The following EXD1 variants were observed in gnomAD, a reference collection of about 807,000 sequenced individuals.
The protein encoded by EXD1 is piRNA biogenesis protein EXD1.
In EXD1, 63 loss-of-function variants were observed where a neutral mutation model predicts 49.1. That is an observed-to-expected ratio of 1.28 (90% CI 1.05 to 1.58). The LOEUF (loss-of-function observed/expected upper bound fraction) is 1.58, where lower values mean the gene tolerates loss of function less well. Ranked by LOEUF, EXD1 falls within the 40% of genes most tolerant of loss-of-function variation. The probability of loss-of-function intolerance (pLI) is 0.00; values close to 1 mark genes in which losing one functional copy is unlikely to be tolerated. For synonymous variants in EXD1, 234 were observed against 239.2 expected (o/e 0.98, Z 0.20); for missense variants, 748 against 666.0 (o/e 1.12, Z -1.36).
At chr15:41,223,617 T>C (rs1343578590) in intron 2 of EXD1, among the ~76,000 whole-genome samples, 1 of 151,840 alleles carries the variant, frequency 6.6e-6, no homozygotes, top group Non-Finnish European at 1.5e-5. Flanking sequence ...ATCCCAGCAC[T>C]TTGGGAGGCC....
In EXD1 at chr15:41,184,268, G is replaced by T; in HGVS notation, c.1382C>A (p.Thr461Asn). The change falls in exon 12 of 12, where the codon ACC becomes AAC. Residue 461 changes from threonine to asparagine, a missense_variant. Transcript: ENST00000458580. ...GAGTTTGTTACTGGAATCCTCACTG[G>T]TTTCCCCTTCCTCTGTGGGAGGTAG... ...QHLPPTEEGE[T>N]SEDSSNKLIC... is the part of the protein sequence containing the mutation. 6.2e-7 allele frequency: 1 copy of T among 1,614,178 alleles called. No individual in the cohort carries two copies. The highest frequency in any genetic ancestry group is 8.5e-7 in the Non-Finnish European group (1 of 1,180,024).
At chr15:41,193,062 G>A (rs1292560631) in intron 9 of EXD1, among the ~76,000 whole-genome samples, 1 of 152,044 alleles carries the variant, frequency 6.6e-6, no homozygotes, top group Non-Finnish European at 1.5e-5. Flanking sequence ...GGGATTACAA[G>A]TGTGAGCCAC....
rs1595416109 is a variant in EXD1, at chr15:41,184,325, G to T, written c.1325C>A (p.Ser442Tyr). The change falls in exon 12 of 12, where the codon TCT becomes TAT. Residue 442 changes from serine (S) to tyrosine (Y), a missense_variant. Transcript: ENST00000458580. ...AGGATTTGTAGCTTGTTTATTCAAAGATTCTTCTTTCAGTAAATTCACATC... is the reference window on the plus strand; with the variant it reads ...AGGATTTGTAGCTTGTTTATTCAAATATTCTTCTTTCAGTAAATTCACATC... ...HGDVNLLKEE[S>Y]LNKQATNPQH... 6.2e-7 allele frequency: 1 copy of T among 1,614,172 alleles called. No homozygotes were observed.
At position 41,195,860 on chromosome 15, in the gene EXD1, G is replaced by C; in HGVS notation, c.640-5C>G. The C allele has an allele frequency of 6.2e-7, 1 of 1,613,098 alleles. No individual in the cohort carries two copies. The highest frequency in any genetic ancestry group is 8.5e-7 in the Non-Finnish European group (1 of 1,179,758). On this transcript the variant is annotated splice_region_variant and splice_polypyrimidine_tract_variant and intron_variant, in intron 8 of 11. Transcript: ENST00000458580. ...CCAACGACAATCATGGATAACCTAA[G>C]GAATCAGAAGGAAACAGTCATTAGA...
At position 41,192,506 on chromosome 15, in the gene EXD1, A is replaced by C. The variant is rs139989744; in HGVS notation, c.721-921T>G. On this transcript the variant is annotated intron_variant, in intron 9 of 11. Transcript: ENST00000458580. ...CAGACAGGGTTTCACCATGTTGGCC[A>C]GGATAGTCTCGATCTCTTGACCTCG... Among the ~76,000 whole-genome samples, 7 of 149,158 alleles carry C rather than the reference A, an allele frequency of 4.7e-5. No homozygotes were observed. In the East Asian group the frequency reaches 1.2e-3, roughly 26 times the overall value.
At position 41,226,619 on chromosome 15, in the gene EXD1, C is replaced by A; in HGVS notation, c.-44G>T. The A allele has an allele frequency of 6.7e-7, 1 of 1,496,642 alleles. No individual in the cohort carries two copies. The highest frequency in any genetic ancestry group is 2.5e-5 in the East Asian group (1 of 40,358). 92.7% of individuals were successfully genotyped at this position (1,496,642 alleles called of 1,614,324 possible). A position where few individuals can be genotyped will look rare whatever the true frequency, so the allele number is the denominator to read the frequency against. On this transcript the variant is annotated 5_prime_UTR_variant, in exon 2 of 12. The change abolishes an upstream ATG in the 5' untranslated region. Coordinates refer to ENST00000458580, the MANE Select transcript of EXD1 (RefSeq NM_001286441.2). Reference sequence around the variant, plus strand: ...CCGTCTTCAAATAATCTTCTTTAAGCATCCAAACACTTGAAAATTAATAAA... The same window carrying A: ...CCGTCTTCAAATAATCTTCTTTAAGAATCCAAACACTTGAAAATTAATAAA...
chr15:41,214,167 A>G (rs2046964781), intron 6 of EXD1, among the ~76,000 whole-genome samples: 1 of 152,010 alleles, frequency 6.6e-6, no homozygotes, highest in African/African-American at 2.4e-5. Context: ...CATCTCAAAA[A>G]CAAAACAAAA....
In EXD1 at chr15:41,229,896, A is replaced by C. The variant is rs117564168; in HGVS notation, c.-54+583T>G. On this transcript the variant is annotated intron_variant, in intron 1 of 11. Coordinates refer to ENST00000458580, the MANE Select transcript of EXD1 (RefSeq NM_001286441.2). ...AGGTAACACTTAAAACTAGTAACTTAAGTTGACCTGGGAAAGCCTGCTACG... is the reference window on the plus strand; with the variant it reads ...AGGTAACACTTAAAACTAGTAACTTCAGTTGACCTGGGAAAGCCTGCTACG... 4.3e-3 allele frequency among the ~76,000 whole-genome samples: 653 copies of C among 152,176 alleles called. 7 individuals are homozygous for C. The highest frequency in any genetic ancestry group is 7.3e-3 in the South Asian group (35 of 4,826).
At chr15:41,201,929 G>T (rs1404555367) in intron 7 of EXD1, among the ~76,000 whole-genome samples, 2 of 152,006 alleles carry the variant, frequency 1.3e-5, no homozygotes, top group Admixed American at 6.6e-5. Context: ...GAGGTGGGAG[G>T]ATCGCTTAAG....
chr15:41,203,916 C>CAAAA (rs1187093511), intron 7 of EXD1, among the ~76,000 whole-genome samples: 1,730 of 23,182 alleles, frequency 0.075, 297 homozygotes, highest in African/African-American at 0.18. Context: ...GACTTCTCCT[C>CAAAA]AAAAAAAAAA....
intron 1 of EXD1, among the ~76,000 whole-genome samples, chr15:41,228,179 ATTC>A (rs1462153875): frequency 1.8e-4 from 28 of 152,194 alleles, no homozygotes; most frequent in African/African-American, 6.8e-4. Context: ...TTAGATAAGT[ATTC>A]TTCTATAGTT....
chr15:41,226,700 A>C (rs901175238), intron 1 of EXD1, 72 bp from the exon 2 acceptor site: 1 of 1,168,754 alleles, frequency 8.6e-7, no homozygotes, highest in Admixed American at 2.9e-5. Context: ...CCCTTTCCCC[A>C]TATCTGTAAT....
intron 3 of EXD1, among the ~76,000 whole-genome samples, chr15:41,217,763 T>A (rs1350366827): frequency 6.6e-6 from 1 of 152,082 alleles, no homozygotes; most frequent in Non-Finnish European, 1.5e-5. Context: ...CTCAATCTCT[T>A]GACCTCTTGA....
intron 7 of EXD1, among the ~76,000 whole-genome samples, chr15:41,204,380 G>C (rs554075128): frequency 6.6e-6 from 1 of 151,238 alleles, no homozygotes; most frequent in African/African-American, 2.4e-5. Flanking sequence ...GTGAAACCCT[G>C]TCTCTACTAA....
chr15:41,226,385 C>T (rs2047164733), intron 2 of EXD1, 58 bp downstream of exon 2: 1 of 1,499,586 alleles, frequency 6.7e-7, no homozygotes, highest in Non-Finnish European at 9.0e-7. Flanking sequence ...ATGGAGCCCA[C>T]TGAAAGTCAA....
At chr15:41,213,005 C>T (rs966412162) in intron 6 of EXD1, among the ~76,000 whole-genome samples, 1 of 151,966 alleles carries the variant, frequency 6.6e-6, no homozygotes, top group South Asian at 2.1e-4. Context: ...TGTGCCACTG[C>T]ACTCCAACCT....
intron 3 of EXD1, among the ~76,000 whole-genome samples, chr15:41,218,936 C>T (rs767647330): frequency 1.3e-5 from 2 of 152,100 alleles, no homozygotes; most frequent in Non-Finnish European, 2.9e-5. Flanking sequence ...CAGTAGTAAA[C>T]TCTCATTTAC....
At chr15:41,203,523 T>C (rs1279502541) in intron 7 of EXD1, among the ~76,000 whole-genome samples, 1 of 152,154 alleles carries the variant, frequency 6.6e-6, no homozygotes, top group East Asian at 1.9e-4. Context: ...TGCTGTCTCT[T>C]GGTCCCATTA....
chr15:41,203,682 C>T (rs988599297), intron 7 of EXD1, among the ~76,000 whole-genome samples: 10 of 151,468 alleles, frequency 6.6e-5, no homozygotes, highest in Admixed American at 1.3e-4. Context: ...TTTGAGAGAC[C>T]GAGGTGGGTG....
Sources: allele counts gnomAD v4.1 joint callset (sites outside exome capture counted in the v4.1 genomes callset), GRCh38; gene constraint gnomAD v4.1.1; transcripts MANE v1.5; gene names NCBI Gene and HGNC (gene_info 2026-07-23, HGNC 2026-07-21).